Variants in AKAP19 observed in about 807,000 individuals in gnomAD.
The protein encoded by AKAP19 is small A-kinase anchoring protein.
the AKAP19 span, chr2:190,062,358 A>G: frequency 6.2e-7 from 1 of 1,613,404 alleles, no homozygotes; most frequent in South Asian, 1.1e-5. Context: ...TTTGGGTAAA[A>G]GTTGTCTTAT....
the AKAP19 span, among the ~76,000 whole-genome samples, chr2:190,149,971 G>C: frequency 1.2e-4 from 18 of 152,214 alleles, no homozygotes; most frequent in East Asian, 3.3e-3. Flanking sequence ...GATTATGGCT[G>C]TCTCTGCAGG....
chr2:189,955,243 G>C, the AKAP19 span, among the ~76,000 whole-genome samples: 1 of 152,114 alleles, frequency 6.6e-6, no homozygotes, highest in Non-Finnish European at 1.5e-5. Flanking sequence ...GCCTCTAGTT[G>C]CATCTGTGTT....
the AKAP19 span, among the ~76,000 whole-genome samples, chr2:189,881,954 AATT>A: frequency 6.6e-6 from 1 of 152,140 alleles, no homozygotes; most frequent in Non-Finnish European, 1.5e-5. Flanking sequence ...CAGCAAGAAT[AATT>A]ATTTGTTTTT....
At chr2:190,141,081 C>T in the AKAP19 span, among the ~76,000 whole-genome samples, 1 of 152,218 alleles carries the variant, frequency 6.6e-6, no homozygotes, top group African/African-American at 2.4e-5. Flanking sequence ...TTATCTCCCT[C>T]TGAGACCACC....
chr2:190,048,748 C>G, the AKAP19 span, among the ~76,000 whole-genome samples: 1 of 152,124 alleles, frequency 6.6e-6, no homozygotes, highest in Non-Finnish European at 1.5e-5. Context: ...TTTAGGTCAA[C>G]AGAATCCATG....
the AKAP19 span, chr2:190,059,938 G>T: frequency 1.1e-6 from 1 of 939,000 alleles, no homozygotes; most frequent in Non-Finnish European, 1.6e-6. Context: ...GGCTACCGTT[G>T]GGGTAAGATA....
chr2:189,923,785 A>G, the AKAP19 span: 293 of 1,613,008 alleles, frequency 1.8e-4, 4 homozygotes, highest in South Asian at 3.1e-3. Flanking sequence ...GTGTATCAGG[A>G]AACACTTCAC....
At chr2:190,032,709 T>C in the AKAP19 span, among the ~76,000 whole-genome samples, 2 of 152,014 alleles carry the variant, frequency 1.3e-5, no homozygotes, top group Non-Finnish European at 2.9e-5. Context: ...TATAACATCT[T>C]AGAGTTTTGT....
chr2:190,144,313 T>C, the AKAP19 span, among the ~76,000 whole-genome samples: 1 of 151,896 alleles, frequency 6.6e-6, no homozygotes, highest in East Asian at 1.9e-4. Flanking sequence ...AATAAAAAGT[T>C]GGCAAATTGG....
chr2:189,953,703 T>A, the AKAP19 span, among the ~76,000 whole-genome samples: 1 of 149,840 alleles, frequency 6.7e-6, no homozygotes, highest in African/African-American at 2.5e-5. Flanking sequence ...CTCCCAACAA[T>A]CTATGAGGTG....
the AKAP19 span, chr2:189,924,260 C>A: frequency 4.7e-6 from 6 of 1,285,236 alleles, no homozygotes; most frequent in South Asian, 2.4e-5. Flanking sequence ...ATTTCTTTAC[C>A]TAGGCGCTTG....
chr2:189,914,138 T>G, the AKAP19 span, among the ~76,000 whole-genome samples: 1 of 152,058 alleles, frequency 6.6e-6, no homozygotes. Context: ...CTGAACTGTC[T>G]CACAATATAG....
At chr2:190,036,542 A>G in the AKAP19 span, among the ~76,000 whole-genome samples, 1 of 152,166 alleles carries the variant, frequency 6.6e-6, no homozygotes, top group East Asian at 1.9e-4. Flanking sequence ...GCATTATTAC[A>G]TTATCCTTTA....
chr2:189,992,095 G>C, the AKAP19 span, among the ~76,000 whole-genome samples: 1 of 148,884 alleles, frequency 6.7e-6, no homozygotes, highest in Non-Finnish European at 1.5e-5. Context: ...TGTTGCACAG[G>C]CTGGAGTGCA....
At chr2:190,159,881 C>T in the AKAP19 span, among the ~76,000 whole-genome samples, 1 of 152,178 alleles carries the variant, frequency 6.6e-6, no homozygotes, top group African/African-American at 2.4e-5. Flanking sequence ...AAACTGCTGT[C>T]TTTGTATCTG....
At chr2:190,061,589 G>T in the AKAP19 span, among the ~76,000 whole-genome samples, 2 of 151,884 alleles carry the variant, frequency 1.3e-5, no homozygotes, top group Non-Finnish European at 2.9e-5. Flanking sequence ...TTATTTCTTA[G>T]GCATTTTCTA....
At chr2:190,006,608 C>T in the AKAP19 span, among the ~76,000 whole-genome samples, 1 of 147,624 alleles carries the variant, frequency 6.8e-6, no homozygotes, top group South Asian at 2.1e-4. Context: ...CACTGCACTA[C>T]CGCCTGGGCG....
chr2:189,982,223 T>C, the AKAP19 span, among the ~76,000 whole-genome samples: 3 of 129,876 alleles, frequency 2.3e-5, no homozygotes, highest in South Asian at 6.3e-4. Context: ...ATTTTTCCTT[T>C]ATTTTAGTGT....
chr2:189,956,177 C>CTTTTTTTT, the AKAP19 span, among the ~76,000 whole-genome samples: 27,853 of 122,890 alleles, frequency 0.23, 4,826 homozygotes, highest in Middle Eastern at 0.27. Flanking sequence ...TCTTTTTTTT[C>CTTTTTTTT]TTTTTTTTTT....
Sources: gnomAD v4.1 joint callset for allele counts (sites outside exome capture counted in the v4.1 genomes callset) on GRCh38, gnomAD v4.1.1 for gene constraint, MANE v1.5 for transcripts, NCBI Gene and HGNC (gene_info 2026-07-23, HGNC 2026-07-21) for gene names.